SH3GL2: variants seen among roughly 807,000 people sequenced by gnomAD.
SH3GL2 encodes the protein SH3 domain containing GRB2 like 2, endophilin A1.
In SH3GL2, 24 loss-of-function variants were observed where a neutral mutation model predicts 46.0. The observed-to-expected ratio is 0.52, with a 90% CI of 0.38 to 0.73. The LOEUF is 0.73. Ranked by LOEUF, SH3GL2 falls within the 30% of genes least tolerant of loss-of-function variation. SH3GL2 has a pLI of 0.00. For missense variants in SH3GL2, 413 were observed against 424.2 expected (o/e 0.97, Z 0.23); for synonymous variants, 196 against 147.1 (o/e 1.33, Z -2.40).
intron 1 of SH3GL2, among the ~76,000 whole-genome samples, chr9:17,634,490 G>A (rs1819499479): frequency 6.6e-6 from 1 of 152,150 alleles, no homozygotes; most frequent in Non-Finnish European, 1.5e-5. Context: ...TGAAATATAT[G>A]CCTCTTTTCT....
chr9:17,775,556 C>T (rs2131170951), intron 3 of SH3GL2, among the ~76,000 whole-genome samples: 1 of 152,264 alleles, frequency 6.6e-6, no homozygotes, highest in African/African-American at 2.4e-5. Context: ...TATTTCAGGG[C>T]TCTTTCTAAG....
intron 1 of SH3GL2, among the ~76,000 whole-genome samples, chr9:17,712,143 C>T (rs1226350301): frequency 6.6e-6 from 1 of 151,714 alleles, no homozygotes. Flanking sequence ...ATCTGTTCCT[C>T]ATTTCTCTAT....
At chr9:17,738,157 A>G (rs1281533415) in intron 1 of SH3GL2, among the ~76,000 whole-genome samples, 1 of 152,100 alleles carries the variant, frequency 6.6e-6, no homozygotes, top group Non-Finnish European at 1.5e-5. Context: ...AGTGCTTGCA[A>G]AGTCCCAGGT....
chr9:17,697,416 G>A (rs1040734959), intron 1 of SH3GL2, among the ~76,000 whole-genome samples: 3 of 96,706 alleles, frequency 3.1e-5, no homozygotes, highest in Admixed American at 1.1e-4. Context: ...TAGAGACAGG[G>A]TTTCACCATG....
Position 17,580,746 on chromosome 9 carries a change from C to A in SH3GL2, c.45+1459C>A, listed in dbSNP as rs1017181081. ...TTACAGAACCAAGCATATGTGCTGCCCAGGAATTCTGTGGCAGGACTTCTT... is the reference window on the plus strand; with the variant it reads ...TTACAGAACCAAGCATATGTGCTGCACAGGAATTCTGTGGCAGGACTTCTT... On this transcript the variant is annotated intron_variant, in intron 1 of 8. Coordinates refer to ENST00000380607, the MANE Select transcript of SH3GL2 (RefSeq NM_003026.5). 1.1e-4 allele frequency among the ~76,000 whole-genome samples: 17 copies of A among 152,234 alleles called. 2 individuals are homozygous for A. In the South Asian group the frequency reaches 2.7e-3, roughly 24 times the overall value.
At chr9:17,761,663 A>G in intron 3 of SH3GL2, 154 bp downstream of exon 3, 1 of 722,556 alleles carries the variant, frequency 1.4e-6, no homozygotes, top group South Asian at 1.5e-5. Flanking sequence ...AGCACATTTT[A>G]ACTGGGGAGA....
chr9:17,770,374 A>G (rs147558651), intron 3 of SH3GL2, among the ~76,000 whole-genome samples: 1 of 152,206 alleles, frequency 6.6e-6, no homozygotes, highest in Non-Finnish European at 1.5e-5. Flanking sequence ...TCCAAGGCAC[A>G]TTCTGTTTTC....
At chr9:17,788,290 A>T (rs1265364248) in intron 5 of SH3GL2, among the ~76,000 whole-genome samples, 1 of 152,022 alleles carries the variant, frequency 6.6e-6, no homozygotes, top group African/African-American at 2.4e-5. Context: ...TAGAACTCTG[A>T]CTCCAATGCT....
At chr9:17,644,624 C>G (rs141583414) in intron 1 of SH3GL2, among the ~76,000 whole-genome samples, 2 of 152,026 alleles carry the variant, frequency 1.3e-5, no homozygotes, top group Admixed American at 1.3e-4. Context: ...TTCATGTAGT[C>G]GTGCGGTTTT....
At chr9:17,621,239 A>G in intron 1 of SH3GL2, among the ~76,000 whole-genome samples, 1 of 152,186 alleles carries the variant, frequency 6.6e-6, no homozygotes, top group Non-Finnish European at 1.5e-5. Context: ...GAATGTCTTT[A>G]TGCATAAAAC....
chr9:17,644,276 C>CA (rs1161680479), intron 1 of SH3GL2, among the ~76,000 whole-genome samples: 1 of 151,814 alleles, frequency 6.6e-6, no homozygotes, highest in Non-Finnish European at 1.5e-5. Flanking sequence ...TCAACTCTTT[C>CA]AGAAAAACAG....
At chr9:17,764,253 A>G (rs1242663861) in intron 3 of SH3GL2, among the ~76,000 whole-genome samples, 1 of 152,202 alleles carries the variant, frequency 6.6e-6, no homozygotes, top group East Asian at 1.9e-4. Flanking sequence ...TTGTGTAATC[A>G]TTCCACAGAA....
chr9:17,661,848 ATAACT>A (rs1820224062), intron 1 of SH3GL2, among the ~76,000 whole-genome samples: 1 of 152,228 alleles, frequency 6.6e-6, no homozygotes, highest in Admixed American at 6.5e-5. Flanking sequence ...CTTATGTAAC[ATAACT>A]TAATGAGCCT....
At chr9:17,732,561 A>G (rs987353188) in intron 1 of SH3GL2, among the ~76,000 whole-genome samples, 1 of 152,138 alleles carries the variant, frequency 6.6e-6, no homozygotes, top group Non-Finnish European at 1.5e-5. Context: ...AAACAACGAT[A>G]GTTTAAAATA....
chr9:17,698,185 C>G (rs953749851), intron 1 of SH3GL2, among the ~76,000 whole-genome samples: 3 of 152,176 alleles, frequency 2.0e-5, no homozygotes, highest in Admixed American at 1.3e-4. Context: ...GCTTCAAGTC[C>G]AGATGCAGGC....
chr9:17,767,880 A>G (rs1017159654), intron 3 of SH3GL2, among the ~76,000 whole-genome samples: 1 of 152,222 alleles, frequency 6.6e-6, no homozygotes, highest in Non-Finnish European at 1.5e-5. Context: ...GGGTGATATA[A>G]TTCATATACT....
chr9:17,779,696 A>G (rs9406726), intron 3 of SH3GL2, among the ~76,000 whole-genome samples: 1 of 152,092 alleles, frequency 6.6e-6, no homozygotes, highest in Non-Finnish European at 1.5e-5. Flanking sequence ...GGGGGCAATT[A>G]TCTTCTGCTT....
intron 1 of SH3GL2, among the ~76,000 whole-genome samples, chr9:17,599,607 A>T (rs777563035): frequency 5.9e-5 from 9 of 152,236 alleles, no homozygotes; most frequent in Admixed American, 2.0e-4. Context: ...GTCCAGTCAT[A>T]TGATGGAGTT....
At chr9:17,700,368 G>A (rs998599) in intron 1 of SH3GL2, among the ~76,000 whole-genome samples, 81,216 of 151,890 alleles carry the variant, frequency 0.53, 22,575 homozygotes, top group African/African-American at 0.67. Context: ...TAGCAAAACT[G>A]TAAATTCAGG....
Sources: gnomAD v4.1 joint callset for allele counts (sites outside exome capture counted in the v4.1 genomes callset) on GRCh38, gnomAD v4.1.1 for gene constraint, MANE v1.5 for transcripts, NCBI Gene and HGNC (gene_info 2026-07-23, HGNC 2026-07-21) for gene names.